The following HEXA variants were observed in gnomAD, a reference collection of about 807,000 sequenced individuals.
HEXA encodes hexosaminidase subunit alpha, also known as beta-hexosaminidase subunit alpha.
In HEXA, 54 loss-of-function variants were observed where a neutral mutation model predicts 73.3. That is an observed-to-expected ratio of 0.74 (90% CI 0.59 to 0.92). HEXA has a LOEUF of 0.92. HEXA is among the 40% of genes least tolerant of loss of function. The pLI is 0.00. For synonymous variants in HEXA, 230 were observed against 246.9 expected (o/e 0.93, Z 0.64); for missense variants, 649 against 653.0 (o/e 0.99, Z 0.07).
intron 1 of HEXA, among the ~76,000 whole-genome samples, chr15:72,365,833 A>T (rs1231899146): frequency 6.6e-6 from 1 of 152,002 alleles, no homozygotes; most frequent in Non-Finnish European, 1.5e-5. Flanking sequence ...TCTGGAATCT[A>T]TTTTCTTGGT....
At chr15:72,348,025 A>AC (rs2088641338) in intron 9 of HEXA, 23 bp downstream of exon 9, 1 of 1,535,800 alleles carries the variant, frequency 6.5e-7, no homozygotes, top group African/African-American at 1.4e-5. Flanking sequence ...AAGGGACCCC[A>AC]CCCACCCTCC....
intron 1 of HEXA, among the ~76,000 whole-genome samples, chr15:72,364,474 G>C (rs914871003): frequency 3.9e-5 from 6 of 151,982 alleles, no homozygotes; most frequent in Admixed American, 1.3e-4. Context: ...TCTGTTTGTA[G>C]ACATTCGGTA....
In HEXA at chr15:72,354,066, C is replaced by T. The variant is rs1182497148; in HGVS notation, c.413-329G>A. The T allele has an allele frequency of 7.7e-6, 3 of 387,116 alleles. No individual in the cohort carries two copies. In the South Asian group the frequency reaches 8.8e-5, roughly 11 times the overall value. The allele number at this position is 387,116 out of a possible 1,614,324, so 24.0% of individuals were successfully genotyped here. On this transcript the variant is annotated intron_variant, in intron 3 of 13. Coordinates refer to ENST00000268097, the MANE Select transcript of HEXA (RefSeq NM_000520.6). ...TTGAGAAGAGAGGCCAAGACATATA[C>T]TCATGAGGACAGACACAGAGACAAC... is the stretch of plus-strand genomic sequence containing the variant.
intron 1 of HEXA, chr15:72,358,176 T>A (rs2088810060): frequency 6.6e-6 from 1 of 152,038 alleles, no homozygotes; most frequent in Non-Finnish European, 1.5e-5. Flanking sequence ...CTATACCCCA[T>A]CCTCTGACTT....
At chr15:72,353,863 G>A in intron 3 of HEXA, 126 bp from the exon 4 acceptor site, 1 of 757,074 alleles carries the variant, frequency 1.3e-6, no homozygotes, top group Non-Finnish European at 2.4e-6. Context: ...TGTAGTGTAG[G>A]CTTGACGATT....
In HEXA at chr15:72,347,847, GC is replaced by G. The variant is rs1416217232; in HGVS notation, c.1074-90del. 1.1e-5 allele frequency: 14 copies of G among 1,274,704 alleles called. No individual in the cohort carries two copies. The East Asian group carries it at 3.0e-4, about 27-fold the overall frequency. 79.0% of individuals were successfully genotyped at this position (1,274,704 alleles called of 1,614,324 possible). On this transcript the variant is annotated intron_variant, in intron 9 of 13. Coordinates refer to ENST00000268097, the MANE Select transcript of HEXA (RefSeq NM_000520.6). ...GCCAGTGCTCTAGGGGTTGAGCCTGGCCAGGGGCCTATTCCTCATTAAGCAG... is the reference window on the plus strand; with the variant it reads ...GCCAGTGCTCTAGGGGTTGAGCCTGGCAGGGGCCTATTCCTCATTAAGCAG...
chr15:72,374,063 C>T (rs1018371574), intron 1 of HEXA, among the ~76,000 whole-genome samples: 1 of 145,718 alleles, frequency 6.9e-6, no homozygotes, highest in East Asian at 2.0e-4. Context: ...TAGTAGGAAA[C>T]AACCTATAAA....
chr15:72,371,519 G>A (rs934432792), intron 1 of HEXA, among the ~76,000 whole-genome samples: 8 of 150,658 alleles, frequency 5.3e-5, no homozygotes, highest in African/African-American at 1.7e-4. Context: ...CTCGGAGGTC[G>A]AGGCTGCAGT....
At chr15:72,351,363 TTAAG>T (rs2088693893) in intron 5 of HEXA, 129 bp from the exon 6 acceptor site, 1 of 723,396 alleles carries the variant, frequency 1.4e-6, no homozygotes, top group African/African-American at 1.7e-5. Context: ...CAGCTCTCAA[TTAAG>T]TATTTATGGG....
At chr15:72,371,164 C>T (rs1206517344) in intron 1 of HEXA, among the ~76,000 whole-genome samples, 3 of 152,144 alleles carry the variant, frequency 2.0e-5, no homozygotes, top group African/African-American at 7.2e-5. Flanking sequence ...GATGCAATCC[C>T]AATGCATCTC....
Position 72,375,804 on chromosome 15 carries a change from CG to C in HEXA, c.168del (p.Gly57AlafsTer43). On this transcript the variant is annotated frameshift_variant, in exon 1 of 14. Coordinates refer to ENST00000268097, the MANE Select transcript of HEXA (RefSeq NM_000520.6). LOFTEE classifies it high-confidence loss of function. ...AAGGCCTCGTCGAGGACTGAGCAGC[CG>C]GGCTGCGCGGCCGAGCTGACATCGT... The part of the protein sequence containing the change: ...FQYDVSSAAQ[P>X]GCSVLDEAFQ... 6.2e-7 allele frequency: 1 copy of C among 1,614,224 alleles called. No individual in the cohort carries two copies. Among genetic ancestry groups the C allele is most frequent in the Non-Finnish European group, 8.5e-7 (1 of 1,180,040 alleles).
At chr15:72,350,342 A>G (rs749812309) in intron 7 of HEXA, 176 bp downstream of exon 7, 2 of 729,570 alleles carry the variant, frequency 2.7e-6, no homozygotes, top group Non-Finnish European at 4.9e-6. Flanking sequence ...AGTAAGAAGC[A>G]GCCTCCATTG....
In HEXA at chr15:72,344,113, A is replaced by G. The variant is rs749609063; in HGVS notation, c.1554T>C (p.Asn518=). The change falls in exon 14 of 14, where the codon AAT becomes AAC. Residue 518 remains asparagine (N), a synonymous_variant. Transcript: ENST00000268097. ...CAAACTCCTGCTCACAGAAGCCTACATTGAGGGGTTGGGCCTGGACACCTC... is the reference window on the plus strand; with the variant it reads ...CAAACTCCTGCTCACAGAAGCCTACGTTGAGGGGTTGGGCCTGGACACCTC... ...LRRGVQAQPL[N]VGFCEQEFEQ... is the part of the protein sequence containing the mutation. 1 of 1,613,820 alleles carries G rather than the reference A, an allele frequency of 6.2e-7. No individual in the cohort carries two copies. Among genetic ancestry groups the G allele is most frequent in the Non-Finnish European group, 8.5e-7 (1 of 1,179,798 alleles).
rs1319734158 is a variant in HEXA, at chr15:72,346,824, G to A, written c.1147-114C>T. The A allele has an allele frequency of 9.3e-6, 9 of 969,160 alleles. No individual in the cohort carries two copies. In the Admixed American group the frequency reaches 1.4e-4, roughly 15 times the overall value. 60.0% of individuals were successfully genotyped at this position (969,160 alleles called of 1,614,324 possible). On this transcript the variant is annotated intron_variant, in intron 10 of 13. Transcript: ENST00000268097. ...TATGTGCTCCCTCTGTTCCCCAGCA[G>A]CAAAGTATGTCTCTGTGACTCCTGA...
At chr15:72,351,263 C>T (rs1425721397) in intron 5 of HEXA, 29 bp from the exon 6 acceptor site, 1 of 1,387,840 alleles carries the variant, frequency 7.2e-7, no homozygotes, top group African/African-American at 1.4e-5. Flanking sequence ...ACTGTGAACC[C>T]ATCACAGTCT....
chr15:72,347,797 C>T (rs1205204496), intron 9 of HEXA, 39 bp from the exon 10 acceptor site: 1 of 1,579,884 alleles, frequency 6.3e-7, no homozygotes, highest in Non-Finnish European at 8.7e-7. Context: ...GTCTGCTTAG[C>T]TCAGATGGGT....
At chr15:72,353,821 A>G in intron 3 of HEXA, 84 bp from the exon 4 acceptor site, 1 of 1,012,406 alleles carries the variant, frequency 9.9e-7, no homozygotes, top group Non-Finnish European at 1.6e-6. Context: ...AATGTAGCAG[A>G]GCATAACATT....
At chr15:72,367,222 T>C (rs1194263488) in intron 1 of HEXA, among the ~76,000 whole-genome samples, 5 of 152,162 alleles carry the variant, frequency 3.3e-5, no homozygotes, top group Non-Finnish European at 7.4e-5. Context: ...GGATTACAGG[T>C]GTGAGCCACC....
intron 13 of HEXA, chr15:72,345,110 T>C: frequency 2.8e-6 from 1 of 354,622 alleles, no homozygotes; most frequent in Admixed American, 4.0e-5. Flanking sequence ...AATCCAAGGA[T>C]GCTCAAGTCC....
Sources: allele counts gnomAD v4.1 joint callset (sites outside exome capture counted in the v4.1 genomes callset), GRCh38; gene constraint gnomAD v4.1.1; transcripts MANE v1.5; gene names NCBI Gene and HGNC (gene_info 2026-07-23, HGNC 2026-07-21).